CES5A: variants seen among roughly 807,000 people sequenced by gnomAD.
CES5A encodes carboxylesterase 5A.
A neutral mutation model predicts 62.9 loss-of-function variants in CES5A; 67 were observed. That is an observed-to-expected ratio of 1.07 (90% CI 0.88 to 1.31). The LOEUF (loss-of-function observed/expected upper bound fraction) is 1.31. Among genes scored for constraint, CES5A ranks in the 50% most tolerant of loss-of-function variants. CES5A has a pLI of 0.00. For synonymous variants in CES5A, 296 were observed against 280.8 expected, an observed-to-expected ratio of 1.05 and a Z score of -0.54; for missense variants, 748 against 708.5, an observed-to-expected ratio of 1.06 and a Z score of -0.63.
intron 9 of CES5A, among the ~76,000 whole-genome samples, chr16:55,855,221 A>T (rs1206626119): frequency 1.3e-5 from 2 of 152,196 alleles, no homozygotes; most frequent in Non-Finnish European, 1.5e-5. Flanking sequence ...GGGCATGTGG[A>T]CTCTCACTAC....
rs1404212148 is a variant in CES5A at position 55,938,795 on chromosome 16, T to TAC, written c.160+10989_160+10990insGT. ...ATATATATATATATATATATATATA[T>TAC]ATACACACATATATATATATACACA... On this transcript the variant is annotated intron_variant, in intron 2 of 13. Coordinates refer to the CES5A transcript ENST00000521992. Among the ~76,000 whole-genome samples, 139 of 56,390 alleles carry TAC rather than the reference T, an allele frequency of 2.5e-3. 1 individual carries two copies. Among genetic ancestry groups the TAC allele is most frequent in the African/African-American group, 0.011 (131 of 12,046 alleles). The allele number at this position is 56,390 out of a possible 152,430, so 37.0% of individuals were successfully genotyped here. A position where few individuals can be genotyped will look rare whatever the true frequency, so the allele number is the denominator to read the frequency against.
intron 2 of CES5A, among the ~76,000 whole-genome samples, chr16:55,934,957 T>C (rs182137234): frequency 6.6e-6 from 1 of 152,334 alleles, no homozygotes; most frequent in East Asian, 1.9e-4. Flanking sequence ...TGTTTTGTTT[T>C]TTTGAGACAG....
chr16:55,889,372 T>TAGTA (rs566498276), intron 1 of CES5A, among the ~76,000 whole-genome samples: 21 of 152,292 alleles, frequency 1.4e-4, no homozygotes, highest in Admixed American at 1.2e-3. Flanking sequence ...CAGTTGCAAG[T>TAGTA]AGTAGGTTGT....
chr16:55,943,988 C>T, intron 2 of CES5A: 2 of 701,224 alleles, frequency 2.9e-6, no homozygotes, highest in South Asian at 3.0e-5. Context: ...CCCAGGTATC[C>T]CACCTGAGGA....
At chr16:55,871,179 C>T (rs141054698) in intron 3 of CES5A, among the ~76,000 whole-genome samples, 1 of 152,164 alleles carries the variant, frequency 6.6e-6, no homozygotes, top group Non-Finnish European at 1.5e-5. Flanking sequence ...ATAGAACATG[C>T]CTTTCCCCCA....
At chr16:55,849,825 C>G in intron 10 of CES5A, 52 bp from the exon 11 acceptor site, 1 of 1,588,028 alleles carries the variant, frequency 6.3e-7, no homozygotes. Context: ...GAGCAGGGGG[C>G]TGGCTCTGTG....
At chr16:55,929,827 T>A (rs1218144001), upstream of CES5A, among the ~76,000 whole-genome samples, 12 of 152,214 alleles carry the variant, frequency 7.9e-5, no homozygotes, top group Admixed American at 2.0e-4. Flanking sequence ...TGAAATTTTT[T>A]AAAATATTTT....
intron 1 of CES5A, among the ~76,000 whole-genome samples, chr16:55,890,228 G>GA (rs11388912): frequency 5.1e-4 from 75 of 147,952 alleles, no homozygotes; most frequent in African/African-American, 1.4e-3. Flanking sequence ...AAGACAACTT[G>GA]AAAAAAAAAA....
chr16:55,928,544 A>T (rs570065395), upstream of CES5A, among the ~76,000 whole-genome samples: 6 of 152,286 alleles, frequency 3.9e-5, no homozygotes, highest in East Asian at 1.2e-3. Flanking sequence ...TGTAACCAAA[A>T]CCCACTTGTA....
intron 1 of CES5A, among the ~76,000 whole-genome samples, chr16:55,906,815 T>C (rs576667604): frequency 6.6e-6 from 1 of 152,296 alleles, no homozygotes; most frequent in East Asian, 1.9e-4. Context: ...CCACCTTGGC[T>C]AAAAGCTGCG....
intron 1 of CES5A, among the ~76,000 whole-genome samples, chr16:55,895,414 C>G (rs1379732516): frequency 1.3e-5 from 2 of 152,222 alleles, no homozygotes; most frequent in African/African-American, 4.8e-5. Flanking sequence ...AGCCCTCACA[C>G]CAGTGTGTTT....
chr16:55,872,276 C>T (rs1286789865), intron 2 of CES5A, among the ~76,000 whole-genome samples: 1 of 152,222 alleles, frequency 6.6e-6, no homozygotes, highest in Non-Finnish European at 1.5e-5. Flanking sequence ...GGGCCCTTGC[C>T]TCGACTGCTC....
chr16:55,871,600 C>G lies in CES5A; in HGVS notation c.417+25G>C, dbSNP rs529456613. 12 of 1,612,958 alleles carry G rather than the reference C, an allele frequency of 7.4e-6. No homozygotes were observed. The East Asian group carries it at 1.1e-4, about 15-fold the overall frequency. On this transcript the variant is annotated intron_variant, in intron 3 of 12. Coordinates refer to ENST00000290567, the MANE Select transcript of CES5A (RefSeq NM_001143685.2). ...GGCCAAGGTCCTGCTAGCTAGAGCC[C>G]GAAGCACACAGCAGGCAGCCTTACG...
chr16:55,880,700 C>G (rs2033752835), intron 1 of CES5A, among the ~76,000 whole-genome samples: 1 of 152,174 alleles, frequency 6.6e-6, no homozygotes, highest in Admixed American at 6.5e-5. Context: ...CTGAGGCGTG[C>G]ATTAACACTA....
chr16:55,912,960 G>C (rs1188438041), intron 1 of CES5A, among the ~76,000 whole-genome samples: 1 of 152,176 alleles, frequency 6.6e-6, no homozygotes, highest in East Asian at 1.9e-4. Flanking sequence ...CCAGCACCTT[G>C]TAACTGCCCT....
intron 1 of CES5A, among the ~76,000 whole-genome samples, chr16:55,903,555 T>G (rs1315694587): frequency 6.6e-6 from 1 of 152,174 alleles, no homozygotes; most frequent in Non-Finnish European, 1.5e-5. Flanking sequence ...GGGATTATCA[T>G]TTTCCCAATC....
rs776074248 is a variant in CES5A, at chr16:55,874,037, C to A, written c.74G>T (p.Gly25Val). Reference protein sequence around the residue: ...AIWVLAAPTKGPSAEGPQRNT... With the variant: ...AIWVLAAPTKVPSAEGPQRNT... ...CCTCTGTGGCCCTTCAGCAGAAGGC[C>A]CTGCGGGAACACATGGGAGGAATCA... Residue 25 changes from glycine (G) to valine (V), a missense_variant and splice_region_variant, in exon 2 of 13, where the codon GGG (glycine) becomes GTG (valine). Physicochemically the swap from Gly to Val is moderately radical, Grantham distance 109 (BLOSUM62 -3). Coordinates refer to ENST00000290567, the MANE Select transcript of CES5A (RefSeq NM_001143685.2). 3 of 1,599,352 alleles carry A rather than the reference C, an allele frequency of 1.9e-6. No homozygotes were observed. In the African/African-American group the frequency reaches 4.0e-5, roughly 21 times the overall value.
At chr16:55,886,919 G>A (rs1203663352) in intron 1 of CES5A, among the ~76,000 whole-genome samples, 2 of 152,022 alleles carry the variant, frequency 1.3e-5, no homozygotes, top group East Asian at 1.9e-4. Context: ...GGTTAAGGAT[G>A]GGTCTGTGAA....
At chr16:55,877,874 C>G (rs1339986519), upstream of CES5A, among the ~76,000 whole-genome samples, 1 of 152,174 alleles carries the variant, frequency 6.6e-6, no homozygotes, top group Non-Finnish European at 1.5e-5. Context: ...TTCCTGCCCT[C>G]GAGCTGCAGG....
Sources: allele counts gnomAD v4.1 joint callset (sites outside exome capture counted in the v4.1 genomes callset), GRCh38; gene constraint gnomAD v4.1.1; transcripts MANE v1.5; gene names NCBI Gene and HGNC (gene_info 2026-07-23, HGNC 2026-07-21).